Variants in KIAA1549 observed in about 807,000 individuals in gnomAD.
The protein encoded by KIAA1549 is KIAA1549, also known as UPF0606 protein KIAA1549.
Under a neutral mutation model 156.4 loss-of-function variants are expected in KIAA1549, and 70 were observed. That is an observed-to-expected ratio of 0.45 (90% confidence interval 0.37 to 0.55). The LOEUF is 0.55. KIAA1549 is among the 20% of genes least tolerant of loss of function. KIAA1549 has a pLI of 0.00. For missense variants in KIAA1549, 2,428 were observed against 2,540.9 expected (o/e 0.96, Z 0.96); for synonymous variants, 1,103 against 1,066.4 (o/e 1.03, Z -0.67).
chr7:138,848,008 A>G (rs1376630717), intron 17 of KIAA1549, among the ~76,000 whole-genome samples: 2 of 152,204 alleles, frequency 1.3e-5, no homozygotes, highest in African/African-American at 4.8e-5. Context: ...GAAATAAAAC[A>G]GATTTTTGTA....
intron 1 of KIAA1549, among the ~76,000 whole-genome samples, chr7:138,959,984 CG>C: frequency 6.6e-6 from 1 of 152,214 alleles, no homozygotes; most frequent in Non-Finnish European, 1.5e-5. Flanking sequence ...TGAAATGTGT[CG>C]AAAAATTACT....
At chr7:138,949,202 T>C (rs1006589034) in intron 1 of KIAA1549, among the ~76,000 whole-genome samples, 1 of 152,164 alleles carries the variant, frequency 6.6e-6, no homozygotes, top group Non-Finnish European at 1.5e-5. Context: ...CCTGGAATTA[T>C]TTCTGTAATT....
intron 1 of KIAA1549, among the ~76,000 whole-genome samples, chr7:138,978,498 C>A (rs912404094): frequency 4.0e-5 from 6 of 151,650 alleles, no homozygotes; most frequent in Non-Finnish European, 8.8e-5. Flanking sequence ...TTTAAAAAAA[C>A]ACACTCAAAA....
intron 1 of KIAA1549, among the ~76,000 whole-genome samples, chr7:138,964,504 T>C (rs1384792668): frequency 6.6e-6 from 1 of 152,212 alleles, no homozygotes; most frequent in Non-Finnish European, 1.5e-5. Context: ...CTGTGCCGTC[T>C]CCTCACACAA....
Position 138,852,237 on chromosome 7 carries a change from C to G in KIAA1549, c.5280G>C (p.Thr1760=). The change falls in exon 17 of 20, where the codon ACG becomes ACC. Residue 1760 remains threonine (T), a synonymous_variant. Transcript: ENST00000422774. ...RYEDYGMTPP[T]GPLPRPGFGP... Reference sequence around the variant, plus strand: ...GAAAACCTTACCTTGGCAATGGACCCGTCGGGGGAGTCATTCCATAGTCTT... The same window carrying G: ...GAAAACCTTACCTTGGCAATGGACCGGTCGGGGGAGTCATTCCATAGTCTT... 6.2e-7 allele frequency: 1 copy of G among 1,610,638 alleles called. No homozygotes were observed. Among genetic ancestry groups the G allele is most frequent in the Non-Finnish European group, 8.5e-7 (1 of 1,177,714 alleles).
At position 138,833,139 on chromosome 7, in the gene KIAA1549, G is replaced by A. The variant is rs370634900; in HGVS notation, c.*4767C>T. 4.3e-5 allele frequency: 10 copies of A among 232,238 alleles called. No homozygotes were observed. The highest frequency in any genetic ancestry group is 1.5e-4 in the African/African-American group (7 of 45,288). 14.4% of individuals were successfully genotyped at this position (232,238 alleles called of 1,614,324 possible). ...AGTACTGGCGCTGGCACCTTGCTCC[G>A]GAGGTAGAAATGACCACGGTGAAAA... On this transcript the variant is annotated 3_prime_UTR_variant, in exon 20 of 20. Transcript: ENST00000422774.
At chr7:138,909,200 A>G (rs1812099221) in intron 4 of KIAA1549, 79 bp from the exon 5 acceptor site, 2 of 1,431,990 alleles carry the variant, frequency 1.4e-6, no homozygotes, top group Non-Finnish European at 1.9e-6. Context: ...AGAGAGAAAC[A>G]TCGTATCTAA....
intron 1 of KIAA1549, 49 bp from the exon 2 acceptor site, chr7:138,919,487 C>T (rs1328272851): frequency 6.4e-7 from 1 of 1,563,020 alleles, no homozygotes; most frequent in African/African-American, 1.4e-5. Context: ...GGAAGTCACA[C>T]AGCTAACGTT....
At chr7:138,934,613 C>T (rs1812957788) in intron 1 of KIAA1549, among the ~76,000 whole-genome samples, 1 of 152,096 alleles carries the variant, frequency 6.6e-6, no homozygotes, top group Admixed American at 6.5e-5. Context: ...GGGCCGCATC[C>T]CCGCCCACCT....
intron 1 of KIAA1549, among the ~76,000 whole-genome samples, chr7:138,951,781 T>C (rs1813506608): frequency 6.6e-6 from 1 of 152,130 alleles, no homozygotes. Flanking sequence ...GAGAAAACTA[T>C]ACAAGAAAAG....
chr7:138,956,151 C>T (rs953314423), intron 1 of KIAA1549, among the ~76,000 whole-genome samples: 2 of 152,170 alleles, frequency 1.3e-5, no homozygotes, highest in Admixed American at 6.5e-5. Context: ...ACCTCAGCCT[C>T]CCAAAGTCAG....
intron 19 of KIAA1549, among the ~76,000 whole-genome samples, chr7:138,838,948 T>C (rs775054382): frequency 9.2e-5 from 14 of 152,152 alleles, no homozygotes; most frequent in Non-Finnish European, 1.8e-4. Context: ...GAGGATTGCT[T>C]GAGGCCAGGA....
intron 15 of KIAA1549, among the ~76,000 whole-genome samples, chr7:138,866,366 TGTTA>T (rs1810740188): frequency 6.6e-6 from 1 of 152,202 alleles, no homozygotes; most frequent in Admixed American, 6.5e-5. Flanking sequence ...TTTAAGTGCT[TGTTA>T]TTTATATAAT....
chr7:138,952,296 A>G (rs1306871077), intron 1 of KIAA1549, among the ~76,000 whole-genome samples: 3 of 152,238 alleles, frequency 2.0e-5, no homozygotes. Context: ...ATTATTAATA[A>G]CATGGCCTAG....
At chr7:138,857,380 G>A (rs1810424615) in intron 16 of KIAA1549, among the ~76,000 whole-genome samples, 1 of 152,126 alleles carries the variant, frequency 6.6e-6, no homozygotes, top group Non-Finnish European at 1.5e-5. Context: ...TGTTTTCTTT[G>A]GGTCTATTAT....
chr7:138,908,789 T>C (rs905784288), intron 5 of KIAA1549, among the ~76,000 whole-genome samples: 1 of 152,176 alleles, frequency 6.6e-6, no homozygotes, highest in Admixed American at 6.5e-5. Context: ...TCCCTGGGTA[T>C]CAGCTACTCT....
chr7:138,919,045 A>G lies in KIAA1549; in HGVS notation c.581T>C (p.Leu194Pro), dbSNP rs1185790444. ...GLPREALEPM[L>P]TPSLPMVSLQ... ...AGAAACCATGGGTAATGATGGAGTG[A>G]GCATAGGTTCTAATGCTTCCCTGGG... The change falls in exon 2 of 20, where the codon CTC becomes CCC. Residue 194 changes from leucine (L) to proline (P), a missense_variant. By Grantham distance (98) the Leu-to-Pro change is moderately conservative. Around this residue, in one of 5 missense-constraint regions of KIAA1549, gnomAD observed 893 missense variants for 847.9 expected, o/e 1.05. Transcript: ENST00000422774. The G allele has an allele frequency of 6.2e-7, 1 of 1,614,022 alleles. No individual in the cohort carries two copies. Among genetic ancestry groups the G allele is most frequent in the East Asian group, 2.2e-5 (1 of 44,884 alleles).
chr7:138,923,314 C>T (rs1399619085), intron 1 of KIAA1549, among the ~76,000 whole-genome samples: 1 of 152,180 alleles, frequency 6.6e-6, no homozygotes, highest in Non-Finnish European at 1.5e-5. Flanking sequence ...AAATGATAAA[C>T]ATAAGGCCAG....
chr7:138,931,732 A>T (rs1370749043), intron 1 of KIAA1549, among the ~76,000 whole-genome samples: 1 of 145,550 alleles, frequency 6.9e-6, no homozygotes, highest in East Asian at 2.0e-4. Context: ...AGCCTGGGTG[A>T]CAGAGCAAAA....
Sources: allele counts gnomAD v4.1 joint callset (sites outside exome capture counted in the v4.1 genomes callset), GRCh38; gene constraint gnomAD v4.1.1; regional missense constraint gnomAD v4.1.1; transcripts MANE v1.5; gene names NCBI Gene and HGNC (gene_info 2026-07-23, HGNC 2026-07-21).